NDUFA8: variants seen among roughly 807,000 people sequenced by gnomAD.
NDUFA8 encodes the protein NADH dehydrogenase [ubiquinone] 1 alpha subcomplex subunit 8.
Under a neutral mutation model 20.9 loss-of-function variants are expected in NDUFA8, and 16 were observed. The ratio of observed to expected loss-of-function variants is 0.77; its 90% CI spans 0.52 to 1.16. The LOEUF is 1.16. NDUFA8 is among the 50% of genes most tolerant of loss of function. The pLI, the probability that NDUFA8 is intolerant of heterozygous loss-of-function variation, is 0.00. For synonymous variants in NDUFA8, 70 were observed against 76.1 expected, an observed-to-expected ratio of 0.92 and a Z score of 0.41; for missense variants, 202 against 216.4, an observed-to-expected ratio of 0.93 and a Z score of 0.42.
the NDUFA8 span, among the ~76,000 whole-genome samples, chr9:122,136,940 T>C: frequency 6.6e-6 from 1 of 152,174 alleles, no homozygotes; most frequent in African/African-American, 2.4e-5. Flanking sequence ...TCCTGCCCTT[T>C]AGGCTTCTGA....
downstream of NDUFA8, among the ~76,000 whole-genome samples, chr9:122,139,746 T>C (rs1251994548): frequency 6.6e-6 from 1 of 152,176 alleles, no homozygotes; most frequent in Non-Finnish European, 1.5e-5. Flanking sequence ...CAGGCTGGAG[T>C]GCGGTGGCAT....
At chr9:122,139,542 T>C (rs987914010), downstream of NDUFA8, among the ~76,000 whole-genome samples, 2 of 152,224 alleles carry the variant, frequency 1.3e-5, no homozygotes, top group Non-Finnish European at 1.5e-5. Flanking sequence ...CCAACGTTGA[T>C]TGAATGAATT....
At chr9:122,137,238 C>T in the NDUFA8 span, among the ~76,000 whole-genome samples, 7 of 106,590 alleles carry the variant, frequency 6.6e-5, no homozygotes, top group Admixed American at 1.2e-4. Flanking sequence ...TTTTCCTTTC[C>T]TTTTTTTTTT....
chr9:122,138,826 GT>G, the NDUFA8 span, among the ~76,000 whole-genome samples: 1 of 134,022 alleles, frequency 7.5e-6, no homozygotes, highest in Non-Finnish European at 1.6e-5. Flanking sequence ...GAGACAAAAT[GT>G]GAGCTGAATC....
chr9:122,153,398 T>TCTAGTAATAGTCCAC (rs2118712941), intron 1 of NDUFA8, among the ~76,000 whole-genome samples: 1 of 152,142 alleles, frequency 6.6e-6, no homozygotes, highest in African/African-American at 2.4e-5. Context: ...TAATAGTCCA[T>TCTAGTAATAGTCCAC]CTAGTAATAG....
chr9:122,134,883 C>T, the NDUFA8 span, among the ~76,000 whole-genome samples: 10 of 152,230 alleles, frequency 6.6e-5, no homozygotes, highest in African/African-American at 2.4e-4. Flanking sequence ...TCAGAGCCCT[C>T]ACCCGGCACG....
chr9:122,138,630 A>G, the NDUFA8 span, among the ~76,000 whole-genome samples: 1 of 152,154 alleles, frequency 6.6e-6, no homozygotes. Context: ...TTCATTCAAC[A>G]AACAGTTATC....
At chr9:122,158,756 G>GTA (rs796250845) in intron 1 of NDUFA8, among the ~76,000 whole-genome samples, 13 of 143,028 alleles carry the variant, frequency 9.1e-5, no homozygotes, top group East Asian at 8.1e-4. Flanking sequence ...TATATATATG[G>GTA]TATATATATA....
At chr9:122,143,238 C>T (rs567502019), downstream of NDUFA8, among the ~76,000 whole-genome samples, 17 of 152,070 alleles carry the variant, frequency 1.1e-4, no homozygotes, top group Admixed American at 3.3e-4. Flanking sequence ...TTTAGAGTGC[C>T]GCAAAGAGGT....
At chr9:122,152,175 CTGGCTGTTCACTTATTCA>C (rs1020577388) in intron 2 of NDUFA8, 52 bp downstream of exon 2, 2 of 1,542,842 alleles carry the variant, frequency 1.3e-6, no homozygotes, top group African/African-American at 2.7e-5. Context: ...AGATTATTAG[CTGGCTGTTCACTTATTCA>C]TTTAAACCTT....
the NDUFA8 span, among the ~76,000 whole-genome samples, chr9:122,137,438 A>G: frequency 6.6e-6 from 1 of 151,842 alleles, no homozygotes; most frequent in South Asian, 2.1e-4. Context: ...ATGGGGTTTC[A>G]CCATGTTGGC....
At chr9:122,132,673 G>A in the NDUFA8 span, among the ~76,000 whole-genome samples, 1 of 152,176 alleles carries the variant, frequency 6.6e-6, no homozygotes, top group Non-Finnish European at 1.5e-5. Flanking sequence ...CTAGATTAGA[G>A]GATAAGCCAG....
chr9:122,159,499 G>C, intron 1 of NDUFA8, 128 bp downstream of exon 1: 1 of 1,137,496 alleles, frequency 8.8e-7, no homozygotes, highest in Non-Finnish European at 1.3e-6. Context: ...GGGTCGACCT[G>C]TATATGCGTT....
downstream of NDUFA8, among the ~76,000 whole-genome samples, chr9:122,139,996 G>A (rs1828798405): frequency 6.6e-6 from 1 of 152,160 alleles, no homozygotes; most frequent in Admixed American, 6.5e-5. Flanking sequence ...CCCGGCCCCA[G>A]ACCAATTAAA....
chr9:122,141,989 G>C (rs937196748), downstream of NDUFA8, among the ~76,000 whole-genome samples: 1 of 152,202 alleles, frequency 6.6e-6, no homozygotes, highest in Non-Finnish European at 1.5e-5. Context: ...AACAGTTCAA[G>C]ACGCGTTGCT....
intron 1 of NDUFA8, 110 bp from the exon 2 acceptor site, chr9:122,152,518 G>A: frequency 2.0e-6 from 2 of 1,015,780 alleles, no homozygotes; most frequent in Non-Finnish European, 3.0e-6. Flanking sequence ...GCACTGTTCT[G>A]ACTTTACCAA....
At chr9:122,157,687 G>C (rs1157380692) in intron 1 of NDUFA8, among the ~76,000 whole-genome samples, 1 of 151,260 alleles carries the variant, frequency 6.6e-6, no homozygotes. Flanking sequence ...GTGGTTCGCC[G>C]GGGGGAACAA....
downstream of NDUFA8, among the ~76,000 whole-genome samples, chr9:122,139,913 G>A (rs995797531): frequency 4.6e-5 from 7 of 152,106 alleles, no homozygotes; most frequent in Admixed American, 2.6e-4. Flanking sequence ...GGCTGGTCTC[G>A]AACTTCTGAC....
the NDUFA8 span, among the ~76,000 whole-genome samples, chr9:122,138,758 C>T: frequency 5.4e-5 from 8 of 149,184 alleles, no homozygotes; most frequent in South Asian, 1.1e-3. Context: ...GCTTCTAACA[C>T]GGAGGAAGAG....
Sources: gnomAD v4.1 joint callset for allele counts (sites outside exome capture counted in the v4.1 genomes callset) on GRCh38, gnomAD v4.1.1 for gene constraint, MANE v1.5 for transcripts, NCBI Gene and HGNC (gene_info 2026-07-23, HGNC 2026-07-21) for gene names.